The following WWOX variants were observed in gnomAD, a reference collection of about 807,000 sequenced individuals.
The protein encoded by WWOX is WW domain-containing oxidoreductase.
Under a neutral mutation model 46.2 loss-of-function variants are expected in WWOX, and 69 were observed. That is an observed-to-expected ratio of 1.49 (90% CI 1.23 to 1.82). The LOEUF (loss-of-function observed/expected upper bound fraction) is 1.82. Among genes scored for constraint, WWOX ranks in the 40% most tolerant of loss-of-function variants. The probability of loss-of-function intolerance (pLI) is 0.00; values close to 1 mark genes in which losing one functional copy is unlikely to be tolerated. For missense variants in WWOX, 919 were observed against 542.6 expected, an observed-to-expected ratio of 1.69 and a Z score of -6.89; for synonymous variants, 359 against 202.6, an observed-to-expected ratio of 1.77 and a Z score of -6.56.
chr16:78,898,025 T>A (rs1323860623), intron 8 of WWOX: 15 of 152,136 alleles, frequency 9.9e-5, no homozygotes, highest in Non-Finnish European at 1.8e-4. Flanking sequence ...TTTTTAATAT[T>A]GAATTATAGG....
At chr16:78,462,770 G>A (rs1597119597) in intron 8 of WWOX, among the ~76,000 whole-genome samples, 1 of 152,182 alleles carries the variant, frequency 6.6e-6, no homozygotes, top group South Asian at 2.1e-4. Flanking sequence ...TCGTCCTGCC[G>A]CCTGGACTAG....
chr16:78,331,282 C>A (rs556734369), intron 5 of WWOX, among the ~76,000 whole-genome samples: 1 of 151,976 alleles, frequency 6.6e-6, no homozygotes, highest in African/African-American at 2.4e-5. Flanking sequence ...GAAGTCACGT[C>A]GATTTTCAAA....
intron 5 of WWOX, among the ~76,000 whole-genome samples, chr16:78,331,110 T>A (rs1181015111): frequency 6.6e-6 from 1 of 152,174 alleles, no homozygotes; most frequent in Non-Finnish European, 1.5e-5. Context: ...AGTCTGTTTT[T>A]TTAACACCTA....
In WWOX at chr16:78,734,747, G is replaced by C. The variant is rs148094768; in HGVS notation, c.1056+301995G>C. ...GATTGTTCTCAAGTGCCTGAGCTTCGTCTCATCAGCTGAAGGTCTGAATAG... is the reference window on the plus strand; with the variant it reads ...GATTGTTCTCAAGTGCCTGAGCTTCCTCTCATCAGCTGAAGGTCTGAATAG... On this transcript the variant is annotated intron_variant, in intron 8 of 8. Coordinates refer to ENST00000566780, the MANE Select transcript of WWOX (RefSeq NM_016373.4). 3.0e-3 allele frequency among the ~76,000 whole-genome samples: 437 copies of C among 146,874 alleles called. 4 individuals carry two copies. The highest frequency in any genetic ancestry group is 0.02 in the Middle Eastern group (5 of 254).
chr16:78,647,167 C>G (rs925341488), intron 8 of WWOX, among the ~76,000 whole-genome samples: 4 of 152,284 alleles, frequency 2.6e-5, no homozygotes, highest in Non-Finnish European at 5.9e-5. Context: ...ATCCTTGAAT[C>G]AGCCTCTGGG....
At chr16:78,329,024 G>C (rs1454891924) in intron 5 of WWOX, among the ~76,000 whole-genome samples, 1 of 151,958 alleles carries the variant, frequency 6.6e-6, no homozygotes, top group African/African-American at 2.4e-5. Context: ...ACCATGACAG[G>C]CTGATTTTCT....
At chr16:78,187,996 C>G (rs1480923909) in intron 5 of WWOX, among the ~76,000 whole-genome samples, 1 of 152,166 alleles carries the variant, frequency 6.6e-6, no homozygotes, top group Non-Finnish European at 1.5e-5. Flanking sequence ...ACTATAACAT[C>G]ACTTCATTCA....
Position 78,386,745 on chromosome 16 carries a change from G to A in WWOX, c.517-115G>A, listed in dbSNP as rs35121047. The A allele has an allele frequency of 0.073, 64,701 of 883,772 alleles. 2,742 individuals are homozygous for A. Among genetic ancestry groups the A allele is most frequent in the Middle Eastern group, 0.11 (398 of 3,770 alleles). The allele number at this position is 883,772 out of a possible 1,614,324, so 54.7% of individuals were successfully genotyped here. A position where few individuals can be genotyped will look rare whatever the true frequency, so the allele number is the denominator to read the frequency against. On this transcript the variant is annotated intron_variant, in intron 5 of 8. Coordinates refer to ENST00000566780, the MANE Select transcript of WWOX (RefSeq NM_016373.4). ...CCGATGATTTATATTCTCTCTGGGC[G>A]TCTTATATTAAACAGGGGAATTCCG...
chr16:78,591,317 T>A lies in WWOX; in HGVS notation c.1056+158565T>A, dbSNP rs555987642. Among the ~76,000 whole-genome samples the A allele has an allele frequency of 2.6e-5, 4 of 152,236 alleles. No individual in the cohort carries two copies. In the East Asian group the frequency reaches 5.8e-4, roughly 22 times the overall value. On this transcript the variant is annotated intron_variant, in intron 8 of 8. Coordinates refer to ENST00000566780, the MANE Select transcript of WWOX (RefSeq NM_016373.4). ...GCTGACATCTCCTTGACCAGAACTG[T>A]ATCAAATTTACATAGCCTCAAATGA...
chr16:78,189,229 C>G (rs1394055602), intron 5 of WWOX, among the ~76,000 whole-genome samples: 1 of 152,174 alleles, frequency 6.6e-6, no homozygotes, highest in Non-Finnish European at 1.5e-5. Context: ...CACATTGTGA[C>G]AAGTTAACAG....
chr16:79,120,920 C>A (rs1016863259), intron 8 of WWOX, among the ~76,000 whole-genome samples: 1 of 152,208 alleles, frequency 6.6e-6, no homozygotes, highest in African/African-American at 2.4e-5. Flanking sequence ...AGGCGTGCGC[C>A]ACCATGCCCG....
chr16:79,066,226 G>C (rs1334033148), intron 8 of WWOX, among the ~76,000 whole-genome samples: 3 of 152,068 alleles, frequency 2.0e-5, no homozygotes, highest in Non-Finnish European at 1.5e-5. Context: ...TTCCAGAGAG[G>C]CCTCCCTTAA....
chr16:78,190,144 T>G (rs994197772), intron 5 of WWOX, among the ~76,000 whole-genome samples: 2 of 152,204 alleles, frequency 1.3e-5, no homozygotes, highest in African/African-American at 4.8e-5. Context: ...TGTTACATCC[T>G]TGCTGAAATG....
intron 8 of WWOX, among the ~76,000 whole-genome samples, chr16:78,439,246 C>G (rs933402601): frequency 3.3e-5 from 5 of 152,222 alleles, no homozygotes; most frequent in East Asian, 3.9e-4. Flanking sequence ...TTTTGAGACT[C>G]CTGAGTGAGG....
chr16:78,659,684 C>T (rs747223094), intron 8 of WWOX, among the ~76,000 whole-genome samples: 1 of 152,144 alleles, frequency 6.6e-6, no homozygotes, highest in Admixed American at 6.5e-5. Flanking sequence ...CTAAAGGAGC[C>T]TTTTCCTTCC....
intron 8 of WWOX, among the ~76,000 whole-genome samples, chr16:79,144,493 C>T (rs1022091451): frequency 1.7e-4 from 26 of 152,122 alleles, no homozygotes; most frequent in South Asian, 1.2e-3. Context: ...CCTGGCTTCA[C>T]GCTTGCCTCC....
At chr16:78,110,443 A>G (rs746441170) in intron 3 of WWOX, among the ~76,000 whole-genome samples, 23 of 150,836 alleles carry the variant, frequency 1.5e-4, no homozygotes, top group African/African-American at 2.7e-4. Context: ...ATCCATATCT[A>G]TTTTTCAAAA....
chr16:78,550,381 T>C (rs1201649438), intron 8 of WWOX, among the ~76,000 whole-genome samples: 2 of 152,198 alleles, frequency 1.3e-5, no homozygotes, highest in Non-Finnish European at 2.9e-5. Context: ...TGAAAGCACA[T>C]AGATAATCTA....
At chr16:79,007,758 C>G (rs17711186) in intron 8 of WWOX, among the ~76,000 whole-genome samples, 15,516 of 152,218 alleles carry the variant, frequency 0.1, 877 homozygotes, top group Middle Eastern at 0.23. Flanking sequence ...GAATGGAGAG[C>G]TCTTTCTCGG....
Sources: gnomAD v4.1 joint callset for allele counts (sites outside exome capture counted in the v4.1 genomes callset) on GRCh38, gnomAD v4.1.1 for gene constraint, MANE v1.5 for transcripts, NCBI Gene and HGNC (gene_info 2026-07-23, HGNC 2026-07-21) for gene names.